PLEKHO2: variants seen among roughly 807,000 people sequenced by gnomAD.
PLEKHO2 encodes pleckstrin homology domain containing O2.
PLEKHO2 carries 20 observed loss-of-function variants against 32.7 expected under a neutral mutation model. The ratio of observed to expected loss-of-function variants is 0.61; its 90% CI spans 0.43 to 0.89. The LOEUF is 0.89. Ranked by LOEUF, PLEKHO2 falls within the 40% of genes least tolerant of loss-of-function variation. PLEKHO2 has a pLI of 0.00. For synonymous variants in PLEKHO2, 247 were observed against 246.3 expected, an observed-to-expected ratio of 1.00 and a Z score of -0.03; for missense variants, 568 against 621.2, an observed-to-expected ratio of 0.91 and a Z score of 0.91.
chr15:64,861,928 T>C (rs563771818), intron 5 of PLEKHO2, among the ~76,000 whole-genome samples: 1 of 151,942 alleles, frequency 6.6e-6, no homozygotes, highest in Admixed American at 6.6e-5. Context: ...TGCAAAGCTG[T>C]GTCTGATTTT....
intron 1 of PLEKHO2, 25 bp from the exon 2 acceptor site, chr15:64,848,568 G>C: frequency 1.2e-6 from 2 of 1,613,872 alleles, no homozygotes; most frequent in Non-Finnish European, 1.7e-6. Context: ...CAACCCTCAT[G>C]GTATGAACTG....
Position 64,865,313 on chromosome 15 carries a change from G to A in PLEKHO2, c.898G>A (p.Glu300Lys). The change falls in exon 6 of 6, where the codon GAG (glutamate) becomes AAG (lysine). Residue 300 changes from glutamate to lysine, a missense_variant. Glu to Lys is a moderately conservative substitution (Grantham distance 56). Coordinates refer to ENST00000323544, the MANE Select transcript of PLEKHO2 (RefSeq NM_025201.5). ...PSQAPCSETS[E>K]AAPREGGKPP... ...CCAGGCACCCTGTTCTGAGACTTCT[G>A]AGGCTGCCCCCAGGGAGGGTGGGAA... 1.2e-6 allele frequency: 2 copies of A among 1,613,782 alleles called. No homozygotes were observed. The highest frequency in any genetic ancestry group is 1.7e-6 in the Non-Finnish European group (2 of 1,179,758).
chr15:64,865,138 C>T lies in PLEKHO2; in HGVS notation c.723C>T (p.Ser241=), dbSNP rs957850372. 3.1e-6 allele frequency: 5 copies of T among 1,613,980 alleles called. No individual in the cohort carries two copies. The African/African-American group carries it at 6.7e-5, about 22-fold the overall frequency. ...PTPVSASSEV[S]PESQEDSETP... ...CTGTCTCAGCAAGCTCTGAGGTCTC[C>T]CCTGAGAGCCAAGAGGACTCAGAGA... Residue 241 remains serine (S), a synonymous_variant, in exon 6 of 6, where the codon TCC becomes TCT. Transcript: ENST00000323544.
chr15:64,844,937 T>G (rs2084511910), intron 1 of PLEKHO2, among the ~76,000 whole-genome samples: 4 of 152,202 alleles, frequency 2.6e-5, no homozygotes. Flanking sequence ...GGGACTTATC[T>G]TATACAGCGT....
rs375141354 is a variant in PLEKHO2, at chr15:64,865,039, G to A, written c.624G>A (p.Lys208=). ...ETPRPLMPPT[K]PFLAPETTSP... ...CCCGGCCCCTCATGCCTCCTACCAA[G>A]CCTTTCCTAGCACCTGAGACCACCA... Residue 208 remains lysine (K), a synonymous_variant, in exon 6 of 6, where the codon AAG becomes AAA. Transcript: ENST00000323544. 7.4e-6 allele frequency: 12 copies of A among 1,614,096 alleles called. No individual in the cohort carries two copies. In the South Asian group the frequency reaches 1.3e-4, roughly 18 times the overall value.
rs1366980526 is a variant in PLEKHO2 at position 64,865,511 on chromosome 15, C to T, written c.1096C>T (p.Pro366Ser). 1 of 1,613,920 alleles carries T rather than the reference C, an allele frequency of 6.2e-7. No homozygotes were observed. Among genetic ancestry groups the T allele is most frequent in the Admixed American group, 1.7e-5 (1 of 60,012 alleles). The change falls in exon 6 of 6, where the codon CCA becomes TCA. Residue 366 changes from proline to serine, a missense_variant. By Grantham distance (74) the Pro-to-Ser change is moderately conservative. Coordinates refer to ENST00000323544, the MANE Select transcript of PLEKHO2 (RefSeq NM_025201.5). ...SQAEGTPGTP[P>S]KDATTSTALP... ...GGCTGAGGGCACCCCAGGAACTCCT[C>T]CAAAGGATGCAACAACATCCACAGC...
intron 3 of PLEKHO2, among the ~76,000 whole-genome samples, chr15:64,856,164 CAA>C (rs748034711): frequency 4.6e-5 from 7 of 152,054 alleles, no homozygotes; most frequent in Non-Finnish European, 8.8e-5. Flanking sequence ...TCTTTGAGGA[CAA>C]AAAGAGTCAC....
intron 3 of PLEKHO2, among the ~76,000 whole-genome samples, chr15:64,855,501 C>T (rs1182989064): frequency 6.6e-6 from 1 of 152,190 alleles, no homozygotes; most frequent in Non-Finnish European, 1.5e-5. Context: ...TGGGTGGGCC[C>T]ACCCTGGACT....
At position 64,865,076 on chromosome 15, in the gene PLEKHO2, A is replaced by G. The variant is rs1007433113; in HGVS notation, c.661A>G (p.Arg221Gly). 2 of 1,613,996 alleles carry G rather than the reference A, an allele frequency of 1.2e-6. No homozygotes were observed. Among genetic ancestry groups the G allele is most frequent in the African/African-American group, 2.7e-5 (2 of 74,902 alleles). Residue 221 changes from arginine (R) to glycine (G), a missense_variant, in exon 6 of 6, where the codon AGG becomes GGG. Physicochemically the swap from Arg to Gly is moderately radical, Grantham distance 125 (BLOSUM62 -2). Coordinates refer to ENST00000323544, the MANE Select transcript of PLEKHO2 (RefSeq NM_025201.5). ...ACCTGAGACCACCAGCCCTGGTGAC[A>G]GGGTGGAGACCCCTGTGGGGGAGAG... ...LAPETTSPGD[R>G]VETPVGERAP...
intron 2 of PLEKHO2, among the ~76,000 whole-genome samples, chr15:64,850,945 G>T (rs967125046): frequency 1.3e-5 from 2 of 152,210 alleles, no homozygotes; most frequent in African/African-American, 4.8e-5. Flanking sequence ...GGGGGCAGAA[G>T]GGGGAGCCTG....
intron 4 of PLEKHO2, among the ~76,000 whole-genome samples, chr15:64,860,692 A>G (rs2140344583): frequency 6.6e-6 from 1 of 152,346 alleles, no homozygotes; most frequent in East Asian, 1.9e-4. Flanking sequence ...CTCCCAGCCC[A>G]TAGCTCCTAT....
In PLEKHO2 at chr15:64,865,719, C is replaced by T. The variant is rs375948735; in HGVS notation, c.1304C>T (p.Pro435Leu). The T allele has an allele frequency of 1.1e-5, 18 of 1,614,084 alleles. No individual in the cohort carries two copies. The highest frequency in any genetic ancestry group is 7.7e-5 in the South Asian group (7 of 91,086). The part of the protein sequence containing the change: ...KLLNKVLGSE[P>L]APVSAETLLS... ...TTGAACAAGGTGCTGGGCAGTGAGC[C>T]GGCCCCTGTTAGTGCCGAAACATTG... The change falls in exon 6 of 6, where the codon CCG (proline) becomes CTG (leucine). Residue 435 changes from proline (P) to leucine (L), a missense_variant. Coordinates refer to ENST00000323544, the MANE Select transcript of PLEKHO2 (RefSeq NM_025201.5).
At chr15:64,859,704 C>T (rs1332580119) in intron 3 of PLEKHO2, among the ~76,000 whole-genome samples, 190 bp from the exon 4 acceptor site, 1 of 152,234 alleles carries the variant, frequency 6.6e-6, no homozygotes, top group Non-Finnish European at 1.5e-5. Context: ...GACCCAGCTG[C>T]ATACTGGTGG....
chr15:64,851,761 A>G (rs2084571330), intron 2 of PLEKHO2, among the ~76,000 whole-genome samples: 1 of 152,078 alleles, frequency 6.6e-6, no homozygotes, highest in African/African-American at 2.4e-5. Flanking sequence ...ACAGGCAGCT[A>G]TTGGGAGCTT....
chr15:64,851,291 G>A (rs1357419730), intron 2 of PLEKHO2, among the ~76,000 whole-genome samples: 2 of 152,312 alleles, frequency 1.3e-5, no homozygotes, highest in East Asian at 3.9e-4. Context: ...GCTTCTTCCA[G>A]TGCCAGCTGC....
intron 3 of PLEKHO2, among the ~76,000 whole-genome samples, chr15:64,857,963 T>G (rs932738215): frequency 6.6e-6 from 1 of 152,228 alleles, no homozygotes; most frequent in Non-Finnish European, 1.5e-5. Context: ...CCCTGGATGC[T>G]AAATCCTGTA....
At chr15:64,860,978 C>G (rs1393344239) in intron 4 of PLEKHO2, among the ~76,000 whole-genome samples, 1 of 152,218 alleles carries the variant, frequency 6.6e-6, no homozygotes, top group East Asian at 1.9e-4. Flanking sequence ...CTGAGACTTC[C>G]CAGCCAATCC....
At chr15:64,842,519 T>TG (rs938250015) in intron 1 of PLEKHO2, among the ~76,000 whole-genome samples, 2 of 150,626 alleles carry the variant, frequency 1.3e-5, no homozygotes, top group Admixed American at 6.6e-5. Flanking sequence ...ATGTGTGTGT[T>TG]GGGGGGTTCC....
At chr15:64,861,225 GGGGCAAGGGCCGAT>G (rs1487974876) in intron 4 of PLEKHO2, among the ~76,000 whole-genome samples, 1 of 152,264 alleles carries the variant, frequency 6.6e-6, no homozygotes, top group Admixed American at 6.5e-5. Context: ...GATATACTCA[GGGGCAAGGGCCGAT>G]GGCCCATATT....
Sources: gnomAD v4.1 joint callset for allele counts (sites outside exome capture counted in the v4.1 genomes callset) on GRCh38, gnomAD v4.1.1 for gene constraint, MANE v1.5 for transcripts, NCBI Gene and HGNC (gene_info 2026-07-23, HGNC 2026-07-21) for gene names.